Variants in IFT122 observed in about 807,000 individuals in gnomAD.
IFT122 encodes the protein intraflagellar transport 122.
In IFT122, 118 loss-of-function variants were observed where a neutral mutation model predicts 161.6. That is an observed-to-expected ratio of 0.73 (90% confidence interval 0.63 to 0.85). IFT122 has a LOEUF of 0.85. Among genes scored for constraint, IFT122 ranks in the 40% least tolerant of loss-of-function variants. The pLI, the probability that IFT122 is intolerant of heterozygous loss-of-function variation, is 0.00. For missense variants in IFT122, 1,381 were observed against 1,579.6 expected (o/e 0.87, Z 2.13); for synonymous variants, 550 against 602.4 (o/e 0.91, Z 1.27).
rs554676547 is a variant in IFT122 at position 129,443,093 on chromosome 3, C to G, written c.41+2722C>G. Among the ~76,000 whole-genome samples, 5 of 152,320 alleles carry G rather than the reference C, an allele frequency of 3.3e-5. No individual in the cohort carries two copies. In the South Asian group the frequency reaches 1.0e-3, roughly 32 times the overall value. ...GTACTTGCTATAGGCCACATGTCCA[C>G]ATGTCTTTATAGGTGTTATCATGTT... On this transcript the variant is annotated intron_variant, in intron 1 of 29. Coordinates refer to ENST00000348417, the MANE Select transcript of IFT122 (RefSeq NM_052989.3).
intron 1 of IFT122, among the ~76,000 whole-genome samples, chr3:129,442,581 A>AAC: frequency 6.7e-6 from 1 of 149,268 alleles, no homozygotes; most frequent in South Asian, 2.1e-4. Context: ...AAACTAAACA[A>AAC]AAAAAAAAAA....
chr3:129,461,016 C>CA lies in IFT122; in HGVS notation c.273-211dup, dbSNP rs1559868678. On this transcript the variant is annotated intron_variant, in intron 4 of 29. Coordinates refer to ENST00000348417, the MANE Select transcript of IFT122 (RefSeq NM_052989.3). ...ACCAACCTGGCCAAAAGTGAGTCCC[C>CA]ATCTCTACAAATAAGAAAACAGTGG... 3 of 1,197,708 alleles carry CA rather than the reference C, an allele frequency of 2.5e-6. No homozygotes were observed. In the Admixed American group the frequency reaches 5.1e-5, roughly 21 times the overall value. 74.2% of individuals were successfully genotyped at this position (1,197,708 alleles called of 1,614,324 possible).
intron 27 of IFT122, 136 bp from the exon 28 acceptor site, chr3:129,518,971 C>A: frequency 1.3e-6 from 1 of 787,004 alleles, no homozygotes; most frequent in Non-Finnish European, 2.3e-6. Context: ...TTGGCCTGAG[C>A]CCCCTCTGTT....
chr3:129,503,054 C>T (rs1005835256), intron 20 of IFT122, among the ~76,000 whole-genome samples, 172 bp downstream of exon 20: 4 of 152,316 alleles, frequency 2.6e-5, no homozygotes, highest in Non-Finnish European at 4.4e-5. Flanking sequence ...GCCACAGAAT[C>T]GTGGAGGGCC....
At chr3:129,491,360 A>G (rs912574568) in intron 16 of IFT122, among the ~76,000 whole-genome samples, 3 of 152,306 alleles carry the variant, frequency 2.0e-5, no homozygotes, top group African/African-American at 7.2e-5. Flanking sequence ...CAGCAAAGCC[A>G]CCTGAAAGCA....
intron 24 of IFT122, 121 bp from the exon 25 acceptor site, chr3:129,514,268 T>C (rs1339241157): frequency 2.7e-6 from 3 of 1,098,574 alleles, no homozygotes; most frequent in Non-Finnish European, 2.7e-6. Context: ...TCACGGTCTT[T>C]CCTCTGCCTT....
Position 129,502,866 on chromosome 3 carries a change from C to T in IFT122, c.2531C>T (p.Thr844Ile). 6.2e-7 allele frequency: 1 copy of T among 1,611,152 alleles called. No homozygotes were observed. Among genetic ancestry groups the T allele is most frequent in the Non-Finnish European group, 8.5e-7 (1 of 1,180,002 alleles). ...LKSLVQLHVE[T>I]QRWDEAFALG... ...TCCCTGGTGCAGCTGCACGTGGAGACCCAGCGCTGGGATGAGGTGAGGGGA... is the reference window on the plus strand; with the variant it reads ...TCCCTGGTGCAGCTGCACGTGGAGATCCAGCGCTGGGATGAGGTGAGGGGA... The change falls in exon 20 of 30, where the codon ACC becomes ATC. Residue 844 changes from threonine (T) to isoleucine (I), a missense_variant. By Grantham distance (89) the Thr-to-Ile change is moderately conservative. Around this residue, in one of 7 missense-constraint regions of IFT122, gnomAD observed 496 missense variants for 502.5 expected, o/e 0.99. Transcript: ENST00000348417.
At chr3:129,501,958 C>T (rs1257137183) in intron 19 of IFT122, among the ~76,000 whole-genome samples, 1 of 152,200 alleles carries the variant, frequency 6.6e-6, no homozygotes, top group African/African-American at 2.4e-5. Context: ...AGAACCCTTT[C>T]TCCTGGGAGA....
intron 21 of IFT122, 56 bp downstream of exon 21, chr3:129,504,477 C>G (rs1411289813): frequency 1.4e-6 from 2 of 1,407,470 alleles, no homozygotes; most frequent in Admixed American, 1.7e-5. Flanking sequence ...ACTGCCAAGA[C>G]ATACATTTCA....
In IFT122 at chr3:129,479,807, C is replaced by T. The variant is rs2078419448; in HGVS notation, c.1373C>T (p.Ser458Phe). ...TAGGAGAAACGGCTGCAGTGCCTGT[C>T]CTTCAGCGGAGTGAAGGAGCGGGAG... ...LCQEKRLQCL[S>F]FSGVKEREWQ... Residue 458 changes from serine to phenylalanine, a missense_variant, in exon 13 of 30, where the codon TCC becomes TTC. Around this residue, in one of 7 missense-constraint regions of IFT122, gnomAD observed 544 missense variants for 648.0 expected, o/e 0.84. Transcript: ENST00000348417. The T allele has an allele frequency of 6.2e-7, 1 of 1,613,986 alleles. No homozygotes were observed. The highest frequency in any genetic ancestry group is 8.5e-7 in the Non-Finnish European group (1 of 1,180,014).
At chr3:129,505,592 G>T (rs763319564) in intron 21 of IFT122, among the ~76,000 whole-genome samples, 1 of 152,128 alleles carries the variant, frequency 6.6e-6, no homozygotes, top group Non-Finnish European at 1.5e-5. Flanking sequence ...CGGAACAAAG[G>T]CCAGACCTTC....
intron 18 of IFT122, among the ~76,000 whole-genome samples, chr3:129,496,460 G>A (rs1301274142): frequency 3.3e-5 from 5 of 152,218 alleles, no homozygotes; most frequent in African/African-American, 1.2e-4. Context: ...CTCTCAGTAT[G>A]TTATGAAGTG....
At chr3:129,459,508 C>T in intron 4 of IFT122, 3 of 273,660 alleles carry the variant, frequency 1.1e-5, no homozygotes, top group South Asian at 8.8e-5. Flanking sequence ...CTAGGATGGT[C>T]TCGATCTCCT....
intron 23 of IFT122, among the ~76,000 whole-genome samples, chr3:129,509,497 T>C (rs926687914): frequency 1.3e-5 from 2 of 152,224 alleles, no homozygotes; most frequent in African/African-American, 4.8e-5. Flanking sequence ...GCGTTGTCGA[T>C]GTTACGAGTT....
chr3:129,455,888 T>C (rs183615358), intron 3 of IFT122, among the ~76,000 whole-genome samples: 4 of 148,190 alleles, frequency 2.7e-5, no homozygotes, highest in African/African-American at 1.0e-4. Context: ...TGTCTTCAGG[T>C]TGAATAGGCT....
In IFT122 at chr3:129,452,337, T is replaced by A. The variant is rs191685463; in HGVS notation, c.193+339T>A. The A allele has an allele frequency of 2.3e-3, 736 of 319,136 alleles. 1 individual carries two copies. The highest frequency in any genetic ancestry group is 3.4e-3 in the Non-Finnish European group (580 of 168,842). The allele number at this position is 319,136 out of a possible 1,614,324, so 19.8% of individuals were successfully genotyped here. A position where few individuals can be genotyped will look rare whatever the true frequency, so the allele number is the denominator to read the frequency against. Reference sequence around the variant, plus strand: ...CAGTAAACATAGTAAAAAGGTAAATTAAGTAGTATGCTGGAAGGTGATAAC... The same window carrying A: ...CAGTAAACATAGTAAAAAGGTAAATAAAGTAGTATGCTGGAAGGTGATAAC... On this transcript the variant is annotated intron_variant, in intron 3 of 29. Coordinates refer to ENST00000348417, the MANE Select transcript of IFT122 (RefSeq NM_052989.3).
At chr3:129,503,952 T>G in intron 20 of IFT122, 1 of 345,676 alleles carries the variant, frequency 2.9e-6, no homozygotes, top group Non-Finnish European at 5.6e-6. Flanking sequence ...GTGGTGATGA[T>G]GATAATGTCA....
intron 15 of IFT122, among the ~76,000 whole-genome samples, chr3:129,487,294 A>G (rs1290646355): frequency 6.6e-6 from 1 of 152,196 alleles, no homozygotes; most frequent in Non-Finnish European, 1.5e-5. Context: ...ACATATGCAC[A>G]TATACACGCG....
intron 18 of IFT122, among the ~76,000 whole-genome samples, chr3:129,499,359 A>C (rs888828515): frequency 2.0e-5 from 3 of 152,244 alleles, no homozygotes; most frequent in Non-Finnish European, 4.4e-5. Flanking sequence ...GAGGGCCGGC[A>C]AACACTGTAA....
Sources: gnomAD v4.1 joint callset for allele counts (sites outside exome capture counted in the v4.1 genomes callset) on GRCh38, gnomAD v4.1.1 for gene constraint, gnomAD v4.1.1 regional missense constraint, MANE v1.5 for transcripts, NCBI Gene and HGNC (gene_info 2026-07-23, HGNC 2026-07-21) for gene names.